The following MEI4 variants were observed in gnomAD, a reference collection of about 807,000 sequenced individuals.
MEI4 encodes meiotic double-stranded break formation protein 4, also known as meiosis-specific protein MEI4.
In MEI4, 27 loss-of-function variants were observed where a neutral mutation model predicts 31.4. The ratio of observed to expected loss-of-function variants is 0.86; its 90% CI spans 0.63 to 1.19. MEI4 has a LOEUF of 1.19. Ranked by LOEUF, MEI4 falls within the 50% of genes most tolerant of loss-of-function variation. MEI4 has a pLI of 0.00. For missense variants in MEI4, 329 were observed against 398.9 expected (o/e 0.82, Z 1.49); for synonymous variants, 122 against 145.4 (o/e 0.84, Z 1.16).
At chr6:77,742,183 G>A (rs1488364344) in intron 2 of MEI4, among the ~76,000 whole-genome samples, 1 of 151,904 alleles carries the variant, frequency 6.6e-6, no homozygotes, top group Non-Finnish European at 1.5e-5. Context: ...CTAGATCCCT[G>A]AGGAATCGCC....
chr6:77,758,679 G>A (rs1366557262), intron 2 of MEI4, among the ~76,000 whole-genome samples: 2 of 152,056 alleles, frequency 1.3e-5, no homozygotes, highest in African/African-American at 4.8e-5. Context: ...TGGCATTACA[G>A]ATCCCAGCCC....
At chr6:77,834,105 CA>C (rs1223221765) in intron 4 of MEI4, among the ~76,000 whole-genome samples, 2 of 151,746 alleles carry the variant, frequency 1.3e-5, no homozygotes, top group Non-Finnish European at 2.9e-5. Flanking sequence ...AAAACAAAAC[CA>C]AAAAAATAAG....
Position 77,891,694 on chromosome 6 carries a change from A to G in MEI4, c.901-31395A>G, listed in dbSNP as rs549301351. 1.4e-3 allele frequency among the ~76,000 whole-genome samples: 213 copies of G among 152,198 alleles called. 1 individual carries two copies. The highest frequency in any genetic ancestry group is 4.5e-3 in the African/African-American group (187 of 41,530). On this transcript the variant is annotated intron_variant, in intron 4 of 4. Coordinates refer to ENST00000684080, the MANE Select transcript of MEI4 (RefSeq NM_001322247.2). ...AATTGTCATGTTTCCTTGCTTTTTC[A>G]TATTTTCATGTTCTTTACATTGAAA... is the stretch of plus-strand genomic sequence containing the variant.
chr6:77,802,723 A>T lies in MEI4; in HGVS notation c.769-26208A>T, dbSNP rs1178167202. On this transcript the variant is annotated intron_variant, in intron 3 of 4. Coordinates refer to ENST00000684080, the MANE Select transcript of MEI4 (RefSeq NM_001322247.2). ...CTGTAAAGGATTTTATTTATCCTTC[A>T]CTTCTGAAGCTTAGTTTATCTGGAT... 3.9e-5 allele frequency among the ~76,000 whole-genome samples: 6 copies of T among 152,092 alleles called. No individual in the cohort carries two copies. In the East Asian group the frequency reaches 1.2e-3, roughly 29 times the overall value.
At chr6:77,713,867 C>G (rs1766520350) in intron 2 of MEI4, among the ~76,000 whole-genome samples, 1 of 152,108 alleles carries the variant, frequency 6.6e-6, no homozygotes, top group South Asian at 2.1e-4. Context: ...TCAGGAGCCC[C>G]CGTAATAGGT....
At chr6:77,849,268 T>C (rs1316295958) in intron 4 of MEI4, among the ~76,000 whole-genome samples, 1 of 152,120 alleles carries the variant, frequency 6.6e-6, no homozygotes, top group East Asian at 1.9e-4. Context: ...GTTGAAAACA[T>C]TTAAGATAAA....
At chr6:77,807,362 CAT>C (rs1444890331) in intron 3 of MEI4, among the ~76,000 whole-genome samples, 3 of 152,028 alleles carry the variant, frequency 2.0e-5, no homozygotes, top group Admixed American at 6.6e-5. Flanking sequence ...TAGTCAAAAT[CAT>C]ATGTTTGTTT....
chr6:77,694,914 T>G (rs1168069603), intron 2 of MEI4, among the ~76,000 whole-genome samples: 1 of 150,776 alleles, frequency 6.6e-6, no homozygotes, highest in Non-Finnish European at 1.5e-5. Flanking sequence ...CCACATCCTC[T>G]CCAGCACCTG....
intron 4 of MEI4, among the ~76,000 whole-genome samples, chr6:77,831,043 A>G (rs1391664228): frequency 6.6e-6 from 1 of 151,954 alleles, no homozygotes; most frequent in Non-Finnish European, 1.5e-5. Flanking sequence ...AAAGAACTCA[A>G]ACAACTCAAT....
In MEI4 at chr6:77,923,649, C is replaced by G. The variant is rs1202072282; in HGVS notation, c.*303C>G. 5.5e-6 allele frequency: 1 copy of G among 182,256 alleles called. No homozygotes were observed. Among genetic ancestry groups the G allele is most frequent in the Non-Finnish European group, 1.1e-5 (1 of 88,652 alleles). 11.3% of individuals were successfully genotyped at this position (182,256 alleles called of 1,614,324 possible). A position where few individuals can be genotyped will look rare whatever the true frequency, so the allele number is the denominator to read the frequency against. On this transcript the variant is annotated 3_prime_UTR_variant, in exon 5 of 5. Coordinates refer to ENST00000684080, the MANE Select transcript of MEI4 (RefSeq NM_001322247.2). Reference sequence around the variant, plus strand: ...TAAAATGGACCATTAATTGTCTGTCCCTTAAAAGATATTGAAGTTGTAAAA... The same window carrying G: ...TAAAATGGACCATTAATTGTCTGTCGCTTAAAAGATATTGAAGTTGTAAAA...
chr6:77,696,249 C>G lies in MEI4; in HGVS notation c.232+5346C>G, dbSNP rs1229603471. Among the ~76,000 whole-genome samples the G allele has an allele frequency of 5.3e-5, 8 of 152,188 alleles. No homozygotes were observed. The East Asian group carries it at 1.4e-3, about 26-fold the overall frequency. On this transcript the variant is annotated intron_variant, in intron 2 of 4. Coordinates refer to ENST00000684080, the MANE Select transcript of MEI4 (RefSeq NM_001322247.2). ...ACTTCCTCTTTTCCTAATTGAATACCCTTTATTTCCTTCTCCTGCCTGATT... is the reference window on the plus strand; with the variant it reads ...ACTTCCTCTTTTCCTAATTGAATACGCTTTATTTCCTTCTCCTGCCTGATT...
At chr6:77,766,092 T>C (rs2127684472) in intron 3 of MEI4, among the ~76,000 whole-genome samples, 1 of 152,338 alleles carries the variant, frequency 6.6e-6, no homozygotes, top group East Asian at 1.9e-4. Context: ...AGCTGTATAT[T>C]ATCTCTTTGT....
chr6:77,684,410 C>T (rs1769014426), intron 1 of MEI4, among the ~76,000 whole-genome samples: 1 of 151,670 alleles, frequency 6.6e-6, no homozygotes, highest in Admixed American at 6.6e-5. Flanking sequence ...CTGTAGTTAC[C>T]CTATTGTGCT....
At chr6:77,689,172 T>C (rs1769113215) in intron 1 of MEI4, among the ~76,000 whole-genome samples, 1 of 152,018 alleles carries the variant, frequency 6.6e-6, no homozygotes, top group African/African-American at 2.4e-5. Context: ...TTCTATTTAC[T>C]TTTTTTATCT....
chr6:77,668,351 A>G (rs2127644718), intron 1 of MEI4, among the ~76,000 whole-genome samples: 1 of 152,250 alleles, frequency 6.6e-6, no homozygotes, highest in African/African-American at 2.4e-5. Flanking sequence ...TCTGGAAGGA[A>G]TTTCTAAGAG....
intron 4 of MEI4, among the ~76,000 whole-genome samples, chr6:77,880,370 A>G (rs896809545): frequency 9.2e-5 from 14 of 152,060 alleles, no homozygotes; most frequent in Non-Finnish European, 1.8e-4. Context: ...AGCTGGGACT[A>G]CAGGCGCCCA....
chr6:77,679,159 A>G (rs1768904448), intron 1 of MEI4, among the ~76,000 whole-genome samples: 1 of 152,164 alleles, frequency 6.6e-6, no homozygotes. Flanking sequence ...AAAAAATTTT[A>G]AATATATTTA....
At chr6:77,781,332 C>T (rs1768591892) in intron 3 of MEI4, among the ~76,000 whole-genome samples, 1 of 152,022 alleles carries the variant, frequency 6.6e-6, no homozygotes, top group African/African-American at 2.4e-5. Context: ...TTTTCTAATG[C>T]TTACGACCTG....
intron 3 of MEI4, among the ~76,000 whole-genome samples, chr6:77,798,049 A>C (rs1769129089): frequency 6.6e-6 from 1 of 152,116 alleles, no homozygotes; most frequent in South Asian, 2.1e-4. Flanking sequence ...AGGAAATAAA[A>C]CTAAACTAGA....
Sources: gnomAD v4.1 joint callset for allele counts (sites outside exome capture counted in the v4.1 genomes callset) on GRCh38, gnomAD v4.1.1 for gene constraint, MANE v1.5 for transcripts, NCBI Gene and HGNC (gene_info 2026-07-23, HGNC 2026-07-21) for gene names.